Variants in USP6NL observed in about 807,000 individuals in gnomAD.
The protein encoded by USP6NL is USP6 N-terminal-like protein.
USP6NL carries 26 observed loss-of-function variants against 61.9 expected under a neutral mutation model. The ratio of observed to expected loss-of-function variants is 0.42; its 90% confidence interval spans 0.31 to 0.58. The LOEUF is 0.58. Ranked by LOEUF, USP6NL falls within the 20% of genes least tolerant of loss-of-function variation. The pLI, the probability that USP6NL is intolerant of heterozygous loss-of-function variation, is 0.16. For missense variants in USP6NL, 1,114 were observed against 1,034.3 expected (o/e 1.08, Z -1.06); for synonymous variants, 432 against 390.1 (o/e 1.11, Z -1.27).
Position 11,462,252 on chromosome 10 carries a change from A to C in USP6NL, c.*189T>G, listed in dbSNP as rs900148753. ...AATTCTAACAGGTCAGTGATGATGCAATTGAAACGCTCATCTTAAGCAGCA... is the reference window on the plus strand; with the variant it reads ...AATTCTAACAGGTCAGTGATGATGCCATTGAAACGCTCATCTTAAGCAGCA... On this transcript the variant is annotated 3_prime_UTR_variant, in exon 15 of 15. Coordinates refer to ENST00000609104, the MANE Select transcript of USP6NL (RefSeq NM_014688.5). 4 of 675,826 alleles carry C rather than the reference A, an allele frequency of 5.9e-6. No individual in the cohort carries two copies. 41.9% of individuals were successfully genotyped at this position (675,826 alleles called of 1,614,324 possible).
chr10:11,507,385 AT>A (rs1566144205), intron 6 of USP6NL, among the ~76,000 whole-genome samples: 1 of 152,230 alleles, frequency 6.6e-6, no homozygotes, highest in Non-Finnish European at 1.5e-5. Context: ...TGTAACTAAT[AT>A]TCTACTTTGA....
In USP6NL at chr10:11,493,026, C is replaced by T. The variant is rs144479511; in HGVS notation, c.494+93G>A. ...AAGCTTAAACCTTTAGGACCTAAAT[C>T]GAAATTACAGTCTATAAAGGCATTC... On this transcript the variant is annotated intron_variant, in intron 8 of 14. Transcript: ENST00000609104. 2.7e-6 allele frequency: 3 copies of T among 1,099,710 alleles called. No homozygotes were observed. In the South Asian group the frequency reaches 4.8e-5, roughly 18 times the overall value. The allele number at this position is 1,099,710 out of a possible 1,614,324, so 68.1% of individuals were successfully genotyped here.
rs34720596 is a variant in USP6NL, at chr10:11,559,572, C to CATAT, written c.5-32009_5-32006dup. On this transcript the variant is annotated intron_variant, in intron 2 of 14. Coordinates refer to ENST00000609104, the MANE Select transcript of USP6NL (RefSeq NM_014688.5). ...TAACATGTATGGAGCTCCAAACATA[C>CATAT]ATATATATATATCATCTAAGTAACA... Among the ~76,000 whole-genome samples, 638 of 151,810 alleles carry CATAT rather than the reference C, an allele frequency of 4.2e-3. 6 individuals are homozygous for CATAT. The highest frequency in any genetic ancestry group is 0.014 in the African/African-American group (570 of 41,436).
chr10:11,476,919 T>G lies in USP6NL; in HGVS notation c.1078+4851A>C, dbSNP rs377010569. ...CGGAGTCTTGCTCTGTCACCCAGGC[T>G]GAAGTGCAGTGGTGCGATCTTGACT... On this transcript the variant is annotated intron_variant, in intron 14 of 14. Transcript: ENST00000609104. The surrounding 1 kb of genome is among the most constrained non-coding windows in gnomAD (Gnocchi z 4.3). Among the ~76,000 whole-genome samples the G allele has an allele frequency of 1.1e-3, 174 of 152,352 alleles. No individual in the cohort carries two copies. The highest frequency in any genetic ancestry group is 3.9e-3 in the African/African-American group (164 of 41,592).
chr10:11,568,668 A>G (rs1014718071), intron 2 of USP6NL, among the ~76,000 whole-genome samples: 14 of 152,222 alleles, frequency 9.2e-5, no homozygotes, highest in Admixed American at 8.5e-4. Context: ...AGAGGTAACT[A>G]GGGGTTGGTA....
intron 1 of USP6NL, among the ~76,000 whole-genome samples, chr10:11,601,145 T>C (rs955102537): frequency 2.6e-5 from 4 of 152,202 alleles, no homozygotes. Flanking sequence ...ATCATGTTTA[T>C]ATAATCAAGT....
At chr10:11,546,354 T>C (rs918858045) in intron 2 of USP6NL, among the ~76,000 whole-genome samples, 3 of 152,194 alleles carry the variant, frequency 2.0e-5, no homozygotes, top group Non-Finnish European at 4.4e-5. Flanking sequence ...TTCAGCAAGA[T>C]CATTCTTTGT....
In USP6NL at chr10:11,510,072, G is replaced by A. The variant is rs541639139; in HGVS notation, c.196-397C>T. On this transcript the variant is annotated intron_variant, in intron 5 of 14. Transcript: ENST00000609104. The surrounding 1 kb of genome is among the most constrained non-coding windows in gnomAD (Gnocchi z 4.8). Reference sequence around the variant, plus strand: ...ATTCTAGTATATTGTTGTTTTTAGCGAGAGTTTTTTAAAGGAAAAGTGGCT... The same window carrying A: ...ATTCTAGTATATTGTTGTTTTTAGCAAGAGTTTTTTAAAGGAAAAGTGGCT... 4.1e-4 allele frequency among the ~76,000 whole-genome samples: 63 copies of A among 152,190 alleles called. No homozygotes were observed. In the South Asian group the frequency reaches 0.011, roughly 27 times the overall value.
intron 2 of USP6NL, among the ~76,000 whole-genome samples, chr10:11,558,059 G>T (rs1178876661): frequency 6.6e-6 from 1 of 152,178 alleles, no homozygotes; most frequent in Non-Finnish European, 1.5e-5. Flanking sequence ...TTAAAGGAAG[G>T]TTGTGGAGAA....
rs773818477 is a variant in USP6NL at position 11,602,082 on chromosome 10, C to A, written c.-83-4365G>T. ...ATATACATACATATACACACACACA[C>A]ACGTCCAAATAACAAGGGATTGACT... On this transcript the variant is annotated intron_variant, in intron 1 of 14. Transcript: ENST00000609104. The surrounding 1 kb of genome is among the most constrained non-coding windows in gnomAD (Gnocchi z 4.8). Among the ~76,000 whole-genome samples, 10 of 152,158 alleles carry A rather than the reference C, an allele frequency of 6.6e-5. No homozygotes were observed. Among genetic ancestry groups the A allele is most frequent in the Non-Finnish European group, 7.3e-5 (5 of 68,028 alleles).
chr10:11,480,293 T>C (rs1425188341), intron 14 of USP6NL, among the ~76,000 whole-genome samples: 3 of 152,176 alleles, frequency 2.0e-5, no homozygotes, highest in Admixed American at 2.0e-4. Flanking sequence ...AGCTGCTAAT[T>C]AGATGCTAAG....
chr10:11,547,028 C>A (rs1012167944), intron 2 of USP6NL, among the ~76,000 whole-genome samples: 4 of 152,154 alleles, frequency 2.6e-5, no homozygotes, highest in African/African-American at 9.7e-5. Flanking sequence ...CAAAATTATT[C>A]CATATACCAT....
intron 1 of USP6NL, among the ~76,000 whole-genome samples, chr10:11,599,897 G>A (rs1564243692): frequency 6.6e-6 from 1 of 151,938 alleles, no homozygotes; most frequent in African/African-American, 2.4e-5. Context: ...CTGACCTCGT[G>A]ATCCACCCAC....
At chr10:11,599,817 G>A (rs916666891) in intron 1 of USP6NL, among the ~76,000 whole-genome samples, 4 of 146,760 alleles carry the variant, frequency 2.7e-5, no homozygotes, top group African/African-American at 5.1e-5. Context: ...CTGCCACCAC[G>A]CCCGGCTAAT....
chr10:11,545,541 A>C (rs1836242696), intron 2 of USP6NL, among the ~76,000 whole-genome samples: 1 of 152,212 alleles, frequency 6.6e-6, no homozygotes, highest in African/African-American at 2.4e-5. Context: ...AAGGGTCAGC[A>C]TTTTGCTGAG....
intron 14 of USP6NL, among the ~76,000 whole-genome samples, chr10:11,471,287 CA>C (rs1832737219): frequency 2.0e-5 from 3 of 152,136 alleles, no homozygotes; most frequent in Admixed American, 1.3e-4. Flanking sequence ...TACCATCTCA[CA>C]CCAGTTAGAA....
chr10:11,575,222 T>C lies in USP6NL; in HGVS notation c.4+22409A>G, dbSNP rs1218424228. Among the ~76,000 whole-genome samples, 1 of 152,210 alleles carries C rather than the reference T, an allele frequency of 6.6e-6. No homozygotes were observed. The highest frequency in any genetic ancestry group is 2.4e-5 in the African/African-American group (1 of 41,456). On this transcript the variant is annotated intron_variant, in intron 2 of 14. Coordinates refer to ENST00000609104, the MANE Select transcript of USP6NL (RefSeq NM_014688.5). The surrounding 1 kb of genome is among the most constrained non-coding windows in gnomAD (Gnocchi z 4.2). ...TCTTGAATCCTTCTGTAGATGTAAA[T>C]TTAAACAAATAAAAGTAGAAATCTA...
chr10:11,606,069 A>G (rs1021257972), intron 1 of USP6NL, among the ~76,000 whole-genome samples: 6 of 152,216 alleles, frequency 3.9e-5, no homozygotes, highest in African/African-American at 1.4e-4. Context: ...GGAGGAAAAT[A>G]GAAACAGAAA....
At chr10:11,533,590 G>A (rs1835734303) in intron 2 of USP6NL, among the ~76,000 whole-genome samples, 1 of 152,162 alleles carries the variant, frequency 6.6e-6, no homozygotes, top group Non-Finnish European at 1.5e-5. Flanking sequence ...CACCAGCTAA[G>A]GAAAGCAGGC....
Sources: allele counts gnomAD v4.1 joint callset (sites outside exome capture counted in the v4.1 genomes callset), GRCh38; gene constraint gnomAD v4.1.1; non-coding constraint Gnocchi (gnomAD v3.1); transcripts MANE v1.5; gene names NCBI Gene and HGNC (gene_info 2026-07-23, HGNC 2026-07-21).